FOXP1: variants seen among roughly 807,000 people sequenced by gnomAD.
FOXP1 encodes forkhead box P1.
Under a neutral mutation model 98.2 loss-of-function variants are expected in FOXP1, and 15 were observed. The ratio of observed to expected loss-of-function variants is 0.15; its 90% CI spans 0.10 to 0.24. The LOEUF (loss-of-function observed/expected upper bound fraction) is 0.24, where lower values mean the gene tolerates loss of function less well. FOXP1 is among the 10% of genes least tolerant of loss of function. The pLI, the probability that FOXP1 is intolerant of heterozygous loss-of-function variation, is 1.00. For missense variants in FOXP1, 633 were observed against 848.5 expected, an observed-to-expected ratio of 0.75 and a Z score of 3.15; for synonymous variants, 371 against 314.5, an observed-to-expected ratio of 1.18 and a Z score of -1.90.
In FOXP1 at chr3:70,958,199, A is replaced by G. The variant is rs1390543630; in HGVS notation, c.*1048T>C. 5.1e-5 allele frequency: 21 copies of G among 412,184 alleles called. No homozygotes were observed. The highest frequency in any genetic ancestry group is 2.8e-4 in the South Asian group (12 of 43,220). 25.5% of individuals were successfully genotyped at this position (412,184 alleles called of 1,614,324 possible). A position where few individuals can be genotyped will look rare whatever the true frequency, so the allele number is the denominator to read the frequency against. On this transcript the variant is annotated 3_prime_UTR_variant, in exon 21 of 21. Coordinates refer to ENST00000649528, the MANE Select transcript of FOXP1 (RefSeq NM_001349338.3). ...TGGCATTTATTAATGGTTGCTGCAA[A>G]AAAAAAAAAAGAAAAGAAAAGAAAA...
At chr3:71,131,536 G>T (rs965115651) in intron 6 of FOXP1, among the ~76,000 whole-genome samples, 2 of 152,124 alleles carry the variant, frequency 1.3e-5, no homozygotes, top group Non-Finnish European at 2.9e-5. Context: ...CTGTCATCCA[G>T]GTGCTAATAC....
chr3:71,558,792 C>A (rs2046329598), intron 2 of FOXP1, among the ~76,000 whole-genome samples: 1 of 144,022 alleles, frequency 6.9e-6, no homozygotes, highest in South Asian at 2.2e-4. Flanking sequence ...CCACACCCAG[C>A]CGATTCTCAC....
chr3:71,176,364 A>G (rs116695663), intron 6 of FOXP1, among the ~76,000 whole-genome samples: 2,969 of 152,290 alleles, frequency 0.019, 110 homozygotes, highest in African/African-American at 0.068. Flanking sequence ...GCAATTTATT[A>G]TGTGCAGCCT....
chr3:71,222,104 G>C (rs1463801095), intron 5 of FOXP1, among the ~76,000 whole-genome samples: 1 of 152,140 alleles, frequency 6.6e-6, no homozygotes, highest in African/African-American at 2.4e-5. Context: ...AGTGAGCCGA[G>C]ATTGCGACAC....
intron 4 of FOXP1, among the ~76,000 whole-genome samples, chr3:71,331,105 G>T (rs564252580): frequency 1.3e-5 from 2 of 152,354 alleles, no homozygotes; most frequent in Admixed American, 1.3e-4. Flanking sequence ...GCCGGAGACG[G>T]CTCCCTCAGC....
chr3:71,298,472 AAAAAAAAG>A (rs1483410314), intron 5 of FOXP1, among the ~76,000 whole-genome samples: 4 of 139,396 alleles, frequency 2.9e-5, no homozygotes, highest in East Asian at 2.1e-4. Context: ...CTCAAAAAGA[AAAAAAAAG>A]AAAAAAAGAA....
intron 5 of FOXP1, among the ~76,000 whole-genome samples, chr3:71,249,623 T>G (rs2068028991): frequency 1.3e-5 from 2 of 152,210 alleles, no homozygotes; most frequent in Non-Finnish European, 2.9e-5. Flanking sequence ...ATCCAACTGC[T>G]GCTAAGCAGG....
intron 5 of FOXP1, among the ~76,000 whole-genome samples, chr3:71,221,893 A>G (rs572019264): frequency 6.6e-6 from 1 of 152,298 alleles, no homozygotes; most frequent in South Asian, 2.1e-4. Context: ...AGTGGTTCAC[A>G]CCTGTAATCC....
intron 2 of FOXP1, among the ~76,000 whole-genome samples, chr3:71,500,925 C>T (rs1170345241): frequency 1.3e-5 from 2 of 152,216 alleles, no homozygotes; most frequent in African/African-American, 4.8e-5. Flanking sequence ...GGCACAGTGG[C>T]TCACATCGTT....
intron 5 of FOXP1, among the ~76,000 whole-genome samples, chr3:71,296,706 C>A (rs114586745): frequency 0.23 from 35,638 of 151,976 alleles, 4,526 homozygotes; most frequent in Middle Eastern, 0.28. Flanking sequence ...CCAAATCTCC[C>A]TCTTGAAATC....
intron 6 of FOXP1, among the ~76,000 whole-genome samples, chr3:71,145,471 G>A (rs1265533983): frequency 2.0e-5 from 3 of 152,074 alleles, no homozygotes; most frequent in Non-Finnish European, 2.9e-5. Flanking sequence ...TGAACCGGAG[G>A]GCAGAGGTTG....
At chr3:71,114,043 ACTT>A (rs1184539122) in intron 6 of FOXP1, among the ~76,000 whole-genome samples, 8 of 152,310 alleles carry the variant, frequency 5.3e-5, no homozygotes, top group Admixed American at 3.3e-4. Context: ...ACAAAATGAG[ACTT>A]CTTATTATAT....
chr3:70,996,343 T>G (rs775972703), intron 13 of FOXP1, among the ~76,000 whole-genome samples: 16 of 152,208 alleles, frequency 1.1e-4, no homozygotes, highest in Non-Finnish European at 1.9e-4. Context: ...CAGTGCTGAT[T>G]AGACAGTCTA....
chr3:71,211,609 T>C (rs1354192616), intron 5 of FOXP1, among the ~76,000 whole-genome samples: 2 of 152,256 alleles, frequency 1.3e-5, no homozygotes, highest in Non-Finnish European at 2.9e-5. Context: ...AGAAGGCTTT[T>C]ATATAAGCTG....
intron 5 of FOXP1, among the ~76,000 whole-genome samples, chr3:71,257,869 T>C (rs2068766384): frequency 6.6e-6 from 1 of 152,214 alleles, no homozygotes; most frequent in Admixed American, 6.5e-5. Context: ...ATCATCTTTC[T>C]GGACCTAAGT....
intron 6 of FOXP1, among the ~76,000 whole-genome samples, chr3:71,166,297 G>A (rs772999028): frequency 4.6e-5 from 7 of 152,172 alleles, no homozygotes; most frequent in Non-Finnish European, 1.0e-4. Context: ...GGGGTGACAA[G>A]AGCCGCTAGC....
chr3:71,431,537 G>A (rs1048548117), intron 3 of FOXP1, among the ~76,000 whole-genome samples: 1 of 152,140 alleles, frequency 6.6e-6, no homozygotes, highest in African/African-American at 2.4e-5. Context: ...CAAGAGATCT[G>A]GTAATTTTCC....
chr3:71,582,022 A>T (rs2048214769), intron 1 of FOXP1: 1 of 974,364 alleles, frequency 1.0e-6, no homozygotes. Context: ...CAAGGTTTGG[A>T]GTTACAACTG....
chr3:70,977,883 C>T lies in FOXP1; in HGVS notation c.1293G>A (p.Thr431=), dbSNP rs139997830. ...PSVITTTSMH[T]VGPIRRRYSD... is the part of the protein sequence containing the mutation. Reference sequence around the variant, plus strand: ...AGTACCGCCTGCGGATGGGTCCCACCGTGTGCATGCTGGTGGTTGTGATGA... The same window carrying T: ...AGTACCGCCTGCGGATGGGTCCCACTGTGTGCATGCTGGTGGTTGTGATGA... Residue 431 remains threonine, a synonymous_variant, in exon 15 of 21, where the codon ACG becomes ACA. Transcript: ENST00000649528. The T allele has an allele frequency of 5.6e-6, 9 of 1,614,126 alleles. No individual in the cohort carries two copies. The highest frequency in any genetic ancestry group is 2.2e-5 in the South Asian group (2 of 91,074).
Sources: gnomAD v4.1 joint callset for allele counts (sites outside exome capture counted in the v4.1 genomes callset) on GRCh38, gnomAD v4.1.1 for gene constraint, MANE v1.5 for transcripts, NCBI Gene and HGNC (gene_info 2026-07-23, HGNC 2026-07-21) for gene names.